Variants in RNF115 observed in about 807,000 individuals in gnomAD.
RNF115 encodes E3 ubiquitin-protein ligase RNF115.
Under a neutral mutation model 39.2 loss-of-function variants are expected in RNF115, and 31 were observed. The ratio of observed to expected loss-of-function variants is 0.79; its 90% confidence interval spans 0.59 to 1.07. The LOEUF (loss-of-function observed/expected upper bound fraction) is 1.07, where lower values mean the gene tolerates loss of function less well. Among genes scored for constraint, RNF115 ranks in the 50% least tolerant of loss-of-function variants. The pLI, the probability that RNF115 is intolerant of heterozygous loss-of-function variation, is 0.00. For missense variants in RNF115, 384 were observed against 381.7 expected (o/e 1.01, Z -0.05); for synonymous variants, 124 against 131.0 (o/e 0.95, Z 0.37).
In RNF115 at chr1:145,745,027, G is replaced by A. The variant is rs1553711502; in HGVS notation, c.*1839C>T. The A allele has an allele frequency of 6.6e-6, 1 of 152,192 alleles. No individual in the cohort carries two copies. Among genetic ancestry groups the A allele is most frequent in the Non-Finnish European group, 1.5e-5 (1 of 68,058 alleles). 9.4% of individuals were successfully genotyped at this position (152,192 alleles called of 1,614,324 possible). On this transcript the variant is annotated 3_prime_UTR_variant, in exon 9 of 9. Coordinates refer to ENST00000582693, the MANE Select transcript of RNF115 (RefSeq NM_014455.4). Reference sequence around the variant, plus strand: ...AACCAAGGAGAAAAGGAAAGTTTCAGAGATGAAAAATAGGCTTAAAAATTA... The same window carrying A: ...AACCAAGGAGAAAAGGAAAGTTTCAAAGATGAAAAATAGGCTTAAAAATTA...
At chr1:145,794,941 C>T (rs1648893010) in intron 1 of RNF115, among the ~76,000 whole-genome samples, 1 of 143,304 alleles carries the variant, frequency 7.0e-6, no homozygotes, top group Non-Finnish European at 1.5e-5. Context: ...GGTGTGAACC[C>T]GGGAGGCGGA....
chr1:145,750,555 A>G, intron 6 of RNF115, 55 bp from the exon 7 acceptor site: 1 of 1,338,970 alleles, frequency 7.5e-7, no homozygotes, highest in Non-Finnish European at 1.1e-6. Context: ...ATATCCCTGG[A>G]GAGGGAACTG....
chr1:145,756,549 G>A (rs1658301116), intron 4 of RNF115, among the ~76,000 whole-genome samples: 1 of 151,796 alleles, frequency 6.6e-6, no homozygotes, highest in Admixed American at 6.6e-5. Context: ...GAAGCTTAAG[G>A]GTGTTATGTT....
intron 1 of RNF115, among the ~76,000 whole-genome samples, chr1:145,819,942 G>A (rs1394631774): frequency 1.5e-4 from 22 of 151,662 alleles, no homozygotes; most frequent in Middle Eastern, 3.4e-3. Flanking sequence ...GGAGGCTGAG[G>A]CACGAGAATC....
intron 1 of RNF115, among the ~76,000 whole-genome samples, chr1:145,791,220 G>C (rs1220838198): frequency 6.6e-6 from 1 of 151,528 alleles, no homozygotes; most frequent in African/African-American, 2.4e-5. Context: ...ACATACAAAA[G>C]ACATAAACTG....
chr1:145,769,332 G>A (rs1475742552), intron 4 of RNF115, among the ~76,000 whole-genome samples: 11 of 152,260 alleles, frequency 7.2e-5, no homozygotes, highest in African/African-American at 2.4e-4. Context: ...AAAGCATTTA[G>A]ACTAGTTTCT....
At chr1:145,791,238 T>C (rs1286897245) in intron 1 of RNF115, among the ~76,000 whole-genome samples, 4 of 150,898 alleles carry the variant, frequency 2.7e-5, no homozygotes, top group African/African-American at 7.3e-5. Flanking sequence ...CTGGGCCAGG[T>C]GTGGTGGCTC....
At chr1:145,789,329 G>C (rs1648545591) in intron 1 of RNF115, among the ~76,000 whole-genome samples, 1 of 152,082 alleles carries the variant, frequency 6.6e-6, no homozygotes, top group Non-Finnish European at 1.5e-5. Context: ...TCAAACTCCT[G>C]AACTGAAGTG....
intron 8 of RNF115, 120 bp from the exon 9 acceptor site, chr1:145,747,117 A>C: frequency 1.0e-6 from 1 of 997,616 alleles, no homozygotes; most frequent in Non-Finnish European, 1.5e-6. Context: ...CAGAAAAACA[A>C]TAGAGAATGC....
chr1:145,806,053 A>G (rs1456536499), intron 1 of RNF115, among the ~76,000 whole-genome samples: 6 of 152,186 alleles, frequency 3.9e-5, no homozygotes, highest in Admixed American at 6.5e-5. Flanking sequence ...TTTAAATGAG[A>G]TATTAAATTT....
At chr1:145,772,224 TA>T (rs1252808616) in intron 3 of RNF115, 2 of 215,558 alleles carry the variant, frequency 9.3e-6, no homozygotes, top group African/African-American at 2.3e-5. Context: ...GGACTTTTTT[TA>T]AAAAAAGTTT....
rs1553710841 is a variant in RNF115 at position 145,740,434 on chromosome 1, T to A, written c.*6432A>T. 1 of 152,254 alleles carries A rather than the reference T, an allele frequency of 6.6e-6. No homozygotes were observed. Among genetic ancestry groups the A allele is most frequent in the African/African-American group, 2.4e-5 (1 of 41,464 alleles). 9.4% of individuals were successfully genotyped at this position (152,254 alleles called of 1,614,324 possible). On this transcript the variant is annotated 3_prime_UTR_variant, in exon 9 of 9. Transcript: ENST00000582693. ...TGAGTCTTGCTTCTAAAGAGTTTAT[T>A]TACTCTGCTTATCTCGAGACTTGGT... is the stretch of plus-strand genomic sequence containing the variant.
At chr1:145,775,587 G>A (rs1343332629) in intron 3 of RNF115, among the ~76,000 whole-genome samples, 1 of 151,992 alleles carries the variant, frequency 6.6e-6, no homozygotes, top group Non-Finnish European at 1.5e-5. Context: ...TCTTTTTAGA[G>A]ATAAGGTCTA....
intron 1 of RNF115, among the ~76,000 whole-genome samples, chr1:145,790,504 C>A (rs1213688140): frequency 2.0e-5 from 3 of 152,036 alleles, no homozygotes; most frequent in Admixed American, 2.0e-4. Flanking sequence ...ACGGTCTTGG[C>A]TCACTGCAAT....
intron 3 of RNF115, among the ~76,000 whole-genome samples, chr1:145,774,865 CCTG>C (rs1185325787): frequency 6.6e-6 from 1 of 151,914 alleles, no homozygotes; most frequent in African/African-American, 2.4e-5. Flanking sequence ...ATAGTTAATT[CCTG>C]CTAACAGAAA....
At chr1:145,770,392 T>A (rs1553715580) in intron 4 of RNF115, among the ~76,000 whole-genome samples, 1 of 152,138 alleles carries the variant, frequency 6.6e-6, no homozygotes. Flanking sequence ...AGAACAGCAC[T>A]GTTCAATAGA....
intron 1 of RNF115, among the ~76,000 whole-genome samples, chr1:145,822,157 T>C (rs1559136793): frequency 6.6e-6 from 1 of 151,738 alleles, no homozygotes; most frequent in Non-Finnish European, 1.5e-5. Context: ...TGAAACTGCA[T>C]CTCTACTAAA....
intron 4 of RNF115, among the ~76,000 whole-genome samples, chr1:145,757,584 T>C (rs1390756714): frequency 1.3e-5 from 2 of 152,174 alleles, no homozygotes; most frequent in African/African-American, 2.4e-5. Context: ...CTACTTTTAA[T>C]GGAAAAGAAA....
intron 1 of RNF115, 137 bp from the exon 2 acceptor site, chr1:145,789,103 T>G (rs76588797): frequency 1.2e-4 from 55 of 450,276 alleles, no homozygotes; most frequent in Middle Eastern, 6.6e-4. Context: ...GTAGTTTTTG[T>G]TTTTTTTTTT....
Sources: allele counts gnomAD v4.1 joint callset (sites outside exome capture counted in the v4.1 genomes callset), GRCh38; gene constraint gnomAD v4.1.1; transcripts MANE v1.5; gene names NCBI Gene and HGNC (gene_info 2026-07-23, HGNC 2026-07-21).